TMEM272: variants seen among roughly 807,000 people sequenced by gnomAD.
The protein encoded by TMEM272 is transmembrane protein 272, also known as long intergenic non-protein coding RNA 282.
Under a neutral mutation model 3.7 loss-of-function variants are expected in TMEM272, and 8 were observed. The observed-to-expected ratio is 2.17, with a 90% CI of 1.27 to 3.91. The LOEUF is 3.91. TMEM272 is among the 30% of genes most tolerant of loss of function. The pLI, the probability that TMEM272 is intolerant of heterozygous loss-of-function variation, is 0.00. For synonymous variants in TMEM272, 63 were observed against 39.8 expected, an observed-to-expected ratio of 1.58 and a Z score of -2.20; for missense variants, 166 against 91.5, an observed-to-expected ratio of 1.81 and a Z score of -3.32.
the TMEM272 span, among the ~76,000 whole-genome samples, chr13:51,852,705 C>T: frequency 6.6e-6 from 1 of 151,968 alleles, no homozygotes; most frequent in South Asian, 2.1e-4. Context: ...TGGTGTAACC[C>T]CGTCTCTACT....
the TMEM272 span, among the ~76,000 whole-genome samples, chr13:51,875,967 C>T: frequency 7.9e-5 from 12 of 152,236 alleles, no homozygotes; most frequent in Admixed American, 2.6e-4. Flanking sequence ...AGGCAATTCT[C>T]TCCTAGCTAC....
the TMEM272 span, among the ~76,000 whole-genome samples, chr13:51,857,125 C>T: frequency 6.6e-6 from 1 of 151,732 alleles, no homozygotes; most frequent in Non-Finnish European, 1.5e-5. Flanking sequence ...GTTTTGAAAT[C>T]ACATTACTAT....
At chr13:51,902,173 GT>G in the TMEM272 span, among the ~76,000 whole-genome samples, 2 of 152,208 alleles carry the variant, frequency 1.3e-5, no homozygotes, top group Admixed American at 6.5e-5. Flanking sequence ...TGGATTCTCA[GT>G]TTTGTAAGAT....
the TMEM272 span, among the ~76,000 whole-genome samples, chr13:51,863,103 G>A: frequency 6.6e-6 from 1 of 152,222 alleles, no homozygotes; most frequent in African/African-American, 2.4e-5. Context: ...AGGAACAAAA[G>A]GGGCTCTCAG....
At position 51,838,665 on chromosome 13, in the gene TMEM272, C is replaced by T. The variant is rs954756851; in HGVS notation, c.-23-112G>A. ...TGGCCTGCAGGGTGGTCTCAGTCAG[C>T]CCGGGTGGCCTGGGTGCCAGTGTCA... On this transcript the variant is annotated intron_variant, in intron 1 of 4. Coordinates refer to ENST00000629372, the MANE Select transcript of TMEM272 (RefSeq NM_001351003.2). 18 of 683,424 alleles carry T rather than the reference C, an allele frequency of 2.6e-5. No homozygotes were observed. In the African/African-American group the frequency reaches 3.0e-4, roughly 11 times the overall value. 42.3% of individuals were successfully genotyped at this position (683,424 alleles called of 1,614,324 possible).
chr13:51,878,427 C>CA, the TMEM272 span, among the ~76,000 whole-genome samples: 5 of 152,008 alleles, frequency 3.3e-5, no homozygotes, highest in Admixed American at 2.6e-4. Flanking sequence ...GAGACTCTGT[C>CA]AAAAAACAAA....
the TMEM272 span, among the ~76,000 whole-genome samples, chr13:51,931,438 A>G: frequency 0.05 from 7,526 of 151,828 alleles, 178 homozygotes; most frequent in Middle Eastern, 0.099. Flanking sequence ...GAGATGAACA[A>G]TGAGAACACA....
At chr13:51,854,303 T>C in the TMEM272 span, among the ~76,000 whole-genome samples, 8 of 152,206 alleles carry the variant, frequency 5.3e-5, no homozygotes, top group African/African-American at 1.9e-4. Context: ...CAAAGTTTCA[T>C]GTAAGAATAC....
chr13:51,870,809 C>T, the TMEM272 span, among the ~76,000 whole-genome samples: 2 of 152,164 alleles, frequency 1.3e-5, no homozygotes, highest in African/African-American at 4.8e-5. Flanking sequence ...ATAGATGGAG[C>T]CAAGGACAGG....
chr13:51,903,942 C>CGTTTGTGTGTGTGTGTGT, the TMEM272 span, among the ~76,000 whole-genome samples: 1 of 136,552 alleles, frequency 7.3e-6, no homozygotes, highest in Non-Finnish European at 1.6e-5. Context: ...CAGTCTTCCA[C>CGTTTGTGTGTGTGTGTGT]GTGTGTGTGT....
chr13:51,906,712 G>A, the TMEM272 span, among the ~76,000 whole-genome samples: 1 of 152,196 alleles, frequency 6.6e-6, no homozygotes, highest in Admixed American at 6.5e-5. Context: ...TGCCAGCACA[G>A]GCAGGCACTC....
At chr13:51,821,526 G>T (rs978091230) in intron 4 of TMEM272, among the ~76,000 whole-genome samples, 1 of 152,154 alleles carries the variant, frequency 6.6e-6, no homozygotes, top group African/African-American at 2.4e-5. Flanking sequence ...TTTAATAGTT[G>T]ATTGATAACT....
chr13:51,890,224 T>G, the TMEM272 span, among the ~76,000 whole-genome samples: 3 of 152,104 alleles, frequency 2.0e-5, no homozygotes, highest in Non-Finnish European at 4.4e-5. Flanking sequence ...CCCCAAAAGC[T>G]CATGTTGAAA....
chr13:51,910,161 T>C, the TMEM272 span: 10 of 1,060,812 alleles, frequency 9.4e-6, no homozygotes, highest in Admixed American at 5.1e-5. Context: ...AGATTTCTCT[T>C]CTTTTATCCC....
the TMEM272 span, among the ~76,000 whole-genome samples, chr13:51,892,314 A>C: frequency 6.6e-6 from 1 of 152,202 alleles, no homozygotes; most frequent in Non-Finnish European, 1.5e-5. Context: ...ACTCCGCTGT[A>C]CACAGTTTTT....
At chr13:51,886,363 C>T in the TMEM272 span, among the ~76,000 whole-genome samples, 1 of 152,220 alleles carries the variant, frequency 6.6e-6, no homozygotes. Context: ...GCCAGGCAAT[C>T]TTCTAAATGC....
chr13:51,814,306 C>G lies in TMEM272; in HGVS notation c.*2445G>C, dbSNP rs1315510399. 6.6e-6 allele frequency: 1 copy of G among 152,246 alleles called. No individual in the cohort carries two copies. The highest frequency in any genetic ancestry group is 1.5e-5 in the Non-Finnish European group (1 of 68,062). The allele number at this position is 152,246 out of a possible 1,614,324, so 9.4% of individuals were successfully genotyped here. A position where few individuals can be genotyped will look rare whatever the true frequency, so the allele number is the denominator to read the frequency against. On this transcript the variant is annotated 3_prime_UTR_variant, in exon 5 of 5. Coordinates refer to ENST00000629372, the MANE Select transcript of TMEM272 (RefSeq NM_001351003.2). The stretch of plus-strand genomic sequence containing the variant: ...TTCTTGAAATGTGCCTTATCATAAC[C>G]ATCTCACCATCTCCTGAGGGAGGCC...
At chr13:51,910,005 A>G in the TMEM272 span, 1 of 1,538,640 alleles carries the variant, frequency 6.5e-7, no homozygotes, top group Non-Finnish European at 9.0e-7. Context: ...TTGTATTCCT[A>G]TCTCCAGTTT....
chr13:51,890,047 G>A, the TMEM272 span, among the ~76,000 whole-genome samples: 1 of 152,254 alleles, frequency 6.6e-6, no homozygotes, highest in South Asian at 2.1e-4. Flanking sequence ...CAAGTGCCTG[G>A]GAGTGCTGAG....
Sources: gnomAD v4.1 joint callset for allele counts (sites outside exome capture counted in the v4.1 genomes callset) on GRCh38, gnomAD v4.1.1 for gene constraint, MANE v1.5 for transcripts, NCBI Gene and HGNC (gene_info 2026-07-23, HGNC 2026-07-21) for gene names.